The following AFAP1L2 variants were observed in gnomAD, a reference collection of about 807,000 sequenced individuals.
AFAP1L2 encodes the protein actin filament-associated protein 1-like 2.
In AFAP1L2, 46 loss-of-function variants were observed where a neutral mutation model predicts 99.3. That is an observed-to-expected ratio of 0.46 (90% CI 0.37 to 0.59). The LOEUF is 0.59. Among genes scored for constraint, AFAP1L2 ranks in the 20% least tolerant of loss-of-function variants. The probability of loss-of-function intolerance (pLI) is 0.00; values close to 1 mark genes in which losing one functional copy is unlikely to be tolerated. For synonymous variants in AFAP1L2, 397 were observed against 419.1 expected (o/e 0.95, Z 0.64); for missense variants, 959 against 1,034.9 (o/e 0.93, Z 1.01).
At chr10:114,299,741 G>A (rs1405101760) in intron 15 of AFAP1L2, among the ~76,000 whole-genome samples, 1 of 152,206 alleles carries the variant, frequency 6.6e-6, no homozygotes, top group Non-Finnish European at 1.5e-5. Context: ...CAGTCTGGGT[G>A]GGCACCACCT....
rs531515157 is a variant in AFAP1L2, at chr10:114,326,591, G to A, written c.316-3330C>T. On this transcript the variant is annotated intron_variant, in intron 4 of 18. Transcript: ENST00000304129. ...CTCTACTTATATTTATTTTGTCTCCGTTTTTTGCCTGTAGGTTGACACTGC... is the reference window on the plus strand; with the variant it reads ...CTCTACTTATATTTATTTTGTCTCCATTTTTTGCCTGTAGGTTGACACTGC... 9.9e-5 allele frequency among the ~76,000 whole-genome samples: 15 copies of A among 152,212 alleles called. No individual in the cohort carries two copies. The South Asian group carries it at 1.5e-3, about 15-fold the overall frequency.
At chr10:114,335,359 T>A (rs1160577467) in intron 2 of AFAP1L2, among the ~76,000 whole-genome samples, 2 of 152,038 alleles carry the variant, frequency 1.3e-5, no homozygotes, top group African/African-American at 4.8e-5. Flanking sequence ...ACATCTGTAA[T>A]CCCAGCACTT....
chr10:114,391,795 G>A (rs545531108), intron 1 of AFAP1L2, among the ~76,000 whole-genome samples: 18 of 152,162 alleles, frequency 1.2e-4, no homozygotes, highest in Admixed American at 2.6e-4. Context: ...TGACCAGCAC[G>A]TGGAAAAGCC....
chr10:114,318,021 C>T (rs1323956085), intron 5 of AFAP1L2, among the ~76,000 whole-genome samples: 1 of 152,174 alleles, frequency 6.6e-6, no homozygotes, highest in African/African-American at 2.4e-5. Flanking sequence ...AACTAGTGTG[C>T]AGCTGGATAA....
chr10:114,348,509 A>G (rs2049951457), intron 1 of AFAP1L2, among the ~76,000 whole-genome samples: 1 of 152,176 alleles, frequency 6.6e-6, no homozygotes, highest in African/African-American at 2.4e-5. Flanking sequence ...GCTACATAGC[A>G]TTCCATCGTG....
intron 1 of AFAP1L2, among the ~76,000 whole-genome samples, chr10:114,382,876 T>C (rs1345880060): frequency 6.6e-6 from 1 of 152,202 alleles, no homozygotes; most frequent in African/African-American, 2.4e-5. Flanking sequence ...ATTATAGGCA[T>C]GAGCCACCAT....
chr10:114,403,490 AG>A (rs2058417029), intron 1 of AFAP1L2, among the ~76,000 whole-genome samples: 1 of 152,086 alleles, frequency 6.6e-6, no homozygotes, highest in South Asian at 2.1e-4. Flanking sequence ...TTCCTCCCGC[AG>A]GTTTGGCGGA....
chr10:114,400,615 C>T (rs1363855880), intron 1 of AFAP1L2, among the ~76,000 whole-genome samples: 1 of 152,202 alleles, frequency 6.6e-6, no homozygotes, highest in East Asian at 1.9e-4. Context: ...GGGGGCATCC[C>T]TTTCACCCCA....
rs368335777 is a variant in AFAP1L2 at position 114,358,778 on chromosome 10, G to C, written c.17-18047C>G. Among the ~76,000 whole-genome samples the C allele has an allele frequency of 2.5e-4, 38 of 152,212 alleles. No homozygotes were observed. The South Asian group carries it at 7.7e-3, about 31-fold the overall frequency. On this transcript the variant is annotated intron_variant, in intron 1 of 18. Transcript: ENST00000304129. ...AAAAATACAAAAATTAGCCGGGCGTGGTGGCAGATACCTGTAATCCCAGCT... is the reference window on the plus strand; with the variant it reads ...AAAAATACAAAAATTAGCCGGGCGTCGTGGCAGATACCTGTAATCCCAGCT...
intron 1 of AFAP1L2, among the ~76,000 whole-genome samples, chr10:114,356,566 C>T (rs1248546684): frequency 6.6e-6 from 1 of 152,128 alleles, no homozygotes; most frequent in Non-Finnish European, 1.5e-5. Context: ...ATTAAAATTA[C>T]ATATGTGTTT....
At chr10:114,345,877 C>T (rs185996131) in intron 1 of AFAP1L2, among the ~76,000 whole-genome samples, 7 of 147,558 alleles carry the variant, frequency 4.7e-5, no homozygotes, top group African/African-American at 1.1e-4. Context: ...GGTGGAGATG[C>T]GGAAAGCCAT....
chr10:114,287,336 A>C, the AFAP1L2 span, among the ~76,000 whole-genome samples: 2 of 152,116 alleles, frequency 1.3e-5, no homozygotes, highest in Non-Finnish European at 2.9e-5. Flanking sequence ...GCACACCACC[A>C]TGCCCAGCTA....
chr10:114,362,840 T>C (rs2052637319), intron 1 of AFAP1L2: 1 of 694,836 alleles, frequency 1.4e-6, no homozygotes, highest in Non-Finnish European at 1.8e-6. Flanking sequence ...TTATAAGAAT[T>C]TGATTATATT....
rs772527565 is a variant in AFAP1L2, at chr10:114,300,292, T to C, written c.1859A>G (p.Gln620Arg). Residue 620 changes from glutamine to arginine, a missense_variant, in exon 15 of 19, where the codon CAG becomes CGG. This residue lies in a region of AFAP1L2 where 576 missense variants were observed against 562.1 expected (regional missense o/e 1.02). Transcript: ENST00000304129. Reference protein sequence around the residue: ...ITTVKIQTEQQRISFPPSCPD... With the variant: ...ITTVKIQTEQRRISFPPSCPD... ...GCAGCTCGGTGGGAAGGAGATTCTCTGCTGTTCCGTCTGGATTTTGACGGT... is the reference window on the plus strand; with the variant it reads ...GCAGCTCGGTGGGAAGGAGATTCTCCGCTGTTCCGTCTGGATTTTGACGGT... 4 of 1,614,002 alleles carry C rather than the reference T, an allele frequency of 2.5e-6. No homozygotes were observed. Among genetic ancestry groups the C allele is most frequent in the Admixed American group, 3.3e-5 (2 of 59,996 alleles).
intron 1 of AFAP1L2, among the ~76,000 whole-genome samples, chr10:114,353,203 G>A (rs1397174973): frequency 6.6e-6 from 1 of 152,188 alleles, no homozygotes; most frequent in East Asian, 1.9e-4. Context: ...GGGTTGAGCT[G>A]CTAGAATGTT....
At chr10:114,285,390 G>C in the AFAP1L2 span, among the ~76,000 whole-genome samples, 3 of 152,332 alleles carry the variant, frequency 2.0e-5, no homozygotes, top group South Asian at 6.2e-4. Flanking sequence ...TACCTCACTG[G>C]GTGGTTGAGA....
At chr10:114,305,525 G>A (rs1209223455) in intron 10 of AFAP1L2, among the ~76,000 whole-genome samples, 5 of 96,038 alleles carry the variant, frequency 5.2e-5, no homozygotes, top group Admixed American at 3.4e-4. Flanking sequence ...GGGGGTGCAG[G>A]TACAGGAGGG....
At position 114,295,886 on chromosome 10, in the gene AFAP1L2, G is replaced by T; in HGVS notation, c.*156C>A. On this transcript the variant is annotated 3_prime_UTR_variant, in exon 19 of 19. Coordinates refer to ENST00000304129, the MANE Select transcript of AFAP1L2 (RefSeq NM_001001936.3). Reference sequence around the variant, plus strand: ...TTTCCTTTGGCTCTGAAAAGGGACAGAGCCTCCTCTTAGCTGAAGCTCTCC... The same window carrying T: ...TTTCCTTTGGCTCTGAAAAGGGACATAGCCTCCTCTTAGCTGAAGCTCTCC... 1 of 1,522,094 alleles carries T rather than the reference G, an allele frequency of 6.6e-7. No homozygotes were observed. Among genetic ancestry groups the T allele is most frequent in the South Asian group, 1.3e-5 (1 of 74,232 alleles). 94.3% of individuals were successfully genotyped at this position (1,522,094 alleles called of 1,614,324 possible).
chr10:114,362,877 A>C (rs2136626416), intron 1 of AFAP1L2: 1 of 901,066 alleles, frequency 1.1e-6, no homozygotes, highest in Non-Finnish European at 1.3e-6. Flanking sequence ...AAAACTTCTG[A>C]TTTGAAAACA....
Sources: gnomAD v4.1 joint callset for allele counts (sites outside exome capture counted in the v4.1 genomes callset) on GRCh38, gnomAD v4.1.1 for gene constraint, gnomAD v4.1.1 regional missense constraint, MANE v1.5 for transcripts, NCBI Gene and HGNC (gene_info 2026-07-23, HGNC 2026-07-21) for gene names.